Variants in ST3GAL3 observed in about 807,000 individuals in gnomAD.
ST3GAL3 encodes ST3 beta-galactoside alpha-2,3-sialyltransferase 3.
ST3GAL3 carries 21 observed loss-of-function variants against 50.1 expected under a neutral mutation model. The observed-to-expected ratio is 0.42, with a 90% CI of 0.30 to 0.60. ST3GAL3 has a LOEUF of 0.60. ST3GAL3 is among the 20% of genes least tolerant of loss of function. ST3GAL3 has a pLI of 0.19. For missense variants in ST3GAL3, 353 were observed against 489.4 expected (o/e 0.72, Z 2.63); for synonymous variants, 183 against 190.0 (o/e 0.96, Z 0.30).
chr1:43,868,158 A>G (rs555238154), intron 5 of ST3GAL3, among the ~76,000 whole-genome samples: 2 of 152,362 alleles, frequency 1.3e-5, no homozygotes, highest in South Asian at 2.1e-4. Context: ...GTATTTCCCT[A>G]TGATGAAATA....
rs1172211161 is a variant in ST3GAL3, at chr1:43,838,237, C to A, written c.228C>A (p.Thr76=). The change falls in exon 5 of 12, where the codon ACC becomes ACA. Residue 76 remains threonine (T), a synonymous_variant. Coordinates refer to ENST00000347631, the MANE Select transcript of ST3GAL3 (RefSeq NM_006279.5). ...CCCATAGGCCTGCTGAATTAGCCACCAAGTACGCAAACTTTTCAGAGGGAG... is the reference window on the plus strand; with the variant it reads ...CCCATAGGCCTGCTGAATTAGCCACAAAGTACGCAAACTTTTCAGAGGGAG... ...LDSKLPAELA[T]KYANFSEGAC... is the part of the protein sequence containing the mutation. The A allele has an allele frequency of 1.2e-6, 2 of 1,612,964 alleles. No homozygotes were observed. Among genetic ancestry groups the A allele is most frequent in the Non-Finnish European group, 1.7e-6 (2 of 1,179,432 alleles).
chr1:43,831,346 C>T (rs1233248910), intron 4 of ST3GAL3, among the ~76,000 whole-genome samples: 1 of 152,184 alleles, frequency 6.6e-6, no homozygotes, highest in Non-Finnish European at 1.5e-5. Context: ...CTGTATAAAC[C>T]AGTTGATGGG....
chr1:43,725,367 C>T (rs1672449890), intron 1 of ST3GAL3, among the ~76,000 whole-genome samples: 1 of 152,106 alleles, frequency 6.6e-6, no homozygotes, highest in African/African-American at 2.4e-5. Flanking sequence ...TCACGCCCAG[C>T]TAATTTTGTA....
chr1:43,784,468 C>T (rs2057016899), intron 2 of ST3GAL3, among the ~76,000 whole-genome samples: 1 of 152,144 alleles, frequency 6.6e-6, no homozygotes, highest in Admixed American at 6.5e-5. Context: ...GAGATCGCAC[C>T]ACTGTACTCC....
chr1:43,734,241 A>G lies in ST3GAL3; in HGVS notation c.-30-1992A>G, dbSNP rs144496372. 3.4e-3 allele frequency among the ~76,000 whole-genome samples: 509 copies of G among 151,060 alleles called. 1 individual carries two copies. Among genetic ancestry groups the G allele is most frequent in the Admixed American group, 4.9e-3 (74 of 15,174 alleles). ...TTTATAGATTTTGTTGCCATCATGA[A>G]TGGAATTTTTTCACTTTATGTTTTC... On this transcript the variant is annotated intron_variant, in intron 1 of 11. Coordinates refer to ENST00000347631, the MANE Select transcript of ST3GAL3 (RefSeq NM_006279.5).
intron 5 of ST3GAL3, among the ~76,000 whole-genome samples, chr1:43,882,161 C>CA (rs1322837924): frequency 1.3e-5 from 2 of 152,264 alleles, no homozygotes; most frequent in East Asian, 3.9e-4. Flanking sequence ...GGGAAGACCT[C>CA]AGAGAGGTAG....
chr1:43,783,265 TCTGGGTTG>T (rs1699941596), intron 2 of ST3GAL3, among the ~76,000 whole-genome samples: 2 of 152,324 alleles, frequency 1.3e-5, no homozygotes, highest in East Asian at 3.9e-4. Context: ...CTCGACCTCT[TCTGGGTTG>T]CTGGCTTTCT....
intron 11 of ST3GAL3, among the ~76,000 whole-genome samples, chr1:43,924,778 C>A (rs1481369028): frequency 1.3e-5 from 2 of 152,220 alleles, no homozygotes; most frequent in African/African-American, 2.4e-5. Context: ...GGTGATGAGA[C>A]AGACTCAAGA....
chr1:43,895,822 C>T (rs1379478273), intron 6 of ST3GAL3, among the ~76,000 whole-genome samples: 3 of 152,228 alleles, frequency 2.0e-5, no homozygotes, highest in African/African-American at 7.2e-5. Context: ...AATCTGCACT[C>T]GAGACTCAGA....
chr1:43,736,478 A>G, intron 2 of ST3GAL3, 98 bp downstream of exon 2: 1 of 1,606,532 alleles, frequency 6.2e-7, no homozygotes, highest in African/African-American at 1.3e-5. Context: ...AGAGATGGGC[A>G]ATGAGAGTAA....
intron 1 of ST3GAL3, among the ~76,000 whole-genome samples, chr1:43,728,849 A>G (rs1674262048): frequency 6.6e-6 from 1 of 152,180 alleles, no homozygotes; most frequent in South Asian, 2.1e-4. Context: ...ACATATGTAT[A>G]CACACATATG....
intron 11 of ST3GAL3, among the ~76,000 whole-genome samples, chr1:43,929,400 G>A (rs2084648351): frequency 6.6e-6 from 1 of 151,854 alleles, no homozygotes; most frequent in African/African-American, 2.4e-5. Flanking sequence ...TGCCTCCCGG[G>A]TTCAAGCGAT....
chr1:43,915,264 A>G (rs1336588064), intron 9 of ST3GAL3, among the ~76,000 whole-genome samples: 3 of 152,166 alleles, frequency 2.0e-5, no homozygotes, highest in African/African-American at 7.2e-5. Flanking sequence ...AGTAACCGTC[A>G]CTGATGCCTC....
chr1:43,860,872 G>A (rs979665863), intron 5 of ST3GAL3, among the ~76,000 whole-genome samples: 1 of 152,210 alleles, frequency 6.6e-6, no homozygotes, highest in South Asian at 2.1e-4. Context: ...CTGAGGGTAG[G>A]TTCAGGAAGT....
intron 2 of ST3GAL3, chr1:43,736,584 A>G (rs1385279780): frequency 2.3e-6 from 2 of 855,420 alleles, no homozygotes; most frequent in African/African-American, 1.7e-5. Context: ...GCATGCCATG[A>G]CAAATCTCAG....
intron 4 of ST3GAL3, among the ~76,000 whole-genome samples, chr1:43,832,232 G>A (rs2063639294): frequency 6.6e-6 from 1 of 152,172 alleles, no homozygotes; most frequent in African/African-American, 2.4e-5. Flanking sequence ...TGGAGTTAAT[G>A]TCAGCTCCAC....
At chr1:43,892,442 C>T (rs1349894427) in intron 5 of ST3GAL3, among the ~76,000 whole-genome samples, 2 of 152,070 alleles carry the variant, frequency 1.3e-5, no homozygotes, top group African/African-American at 2.4e-5. Context: ...AAGCAATCTA[C>T]AAAATAATAT....
intron 2 of ST3GAL3, among the ~76,000 whole-genome samples, chr1:43,773,037 T>A (rs1695893912): frequency 6.6e-6 from 1 of 152,194 alleles, no homozygotes; most frequent in African/African-American, 2.4e-5. Flanking sequence ...GTGAGCCACC[T>A]CGCCAGGCCT....
intron 5 of ST3GAL3, among the ~76,000 whole-genome samples, chr1:43,884,172 T>A (rs962986478): frequency 6.6e-6 from 1 of 152,180 alleles, no homozygotes; most frequent in East Asian, 1.9e-4. Flanking sequence ...GTTTTCCAGC[T>A]CCATCTAGTC....
Sources: allele counts gnomAD v4.1 joint callset (sites outside exome capture counted in the v4.1 genomes callset), GRCh38; gene constraint gnomAD v4.1.1; transcripts MANE v1.5; gene names NCBI Gene and HGNC (gene_info 2026-07-23, HGNC 2026-07-21).